PAPPA2: variants seen among roughly 807,000 people sequenced by gnomAD.
The protein encoded by PAPPA2 is pappalysin-2.
In PAPPA2, 86 loss-of-function variants were observed where a neutral mutation model predicts 176.4. The ratio of observed to expected loss-of-function variants is 0.49; its 90% CI spans 0.41 to 0.58. The LOEUF (loss-of-function observed/expected upper bound fraction) is 0.58. Among genes scored for constraint, PAPPA2 ranks in the 20% least tolerant of loss-of-function variants. The pLI, the probability that PAPPA2 is intolerant of heterozygous loss-of-function variation, is 0.00. For missense variants in PAPPA2, 2,073 were observed against 2,256.9 expected, an observed-to-expected ratio of 0.92 and a Z score of 1.65; for synonymous variants, 809 against 852.2, an observed-to-expected ratio of 0.95 and a Z score of 0.88.
intron 1 of PAPPA2, among the ~76,000 whole-genome samples, chr1:176,510,603 A>G (rs1355408217): frequency 1.3e-5 from 2 of 152,102 alleles, no homozygotes; most frequent in Non-Finnish European, 2.9e-5. Context: ...TGAATAAATA[A>G]AAAATTTTAC....
chr1:176,739,510 A>G (rs1662569436), intron 12 of PAPPA2, 116 bp from the exon 13 acceptor site: 1 of 1,142,182 alleles, frequency 8.8e-7, no homozygotes, highest in Non-Finnish European at 1.2e-6. Flanking sequence ...TATAAAAAAA[A>G]TGGAAGCTCT....
In PAPPA2 at chr1:176,706,561, T is replaced by C. The variant is rs997436396; in HGVS notation, c.3457+111T>C. On this transcript the variant is annotated intron_variant, in intron 10 of 22. Coordinates refer to ENST00000367662, the MANE Select transcript of PAPPA2 (RefSeq NM_020318.3). ...GCTTAGTGATTATAATAATAACCTC[T>C]GATGTGTCCCTTGTATGCCAGGCAT... 342 of 869,854 alleles carry C rather than the reference T, an allele frequency of 3.9e-4. 1 individual carries two copies. The highest frequency in any genetic ancestry group is 3.9e-4 in the Non-Finnish European group (215 of 550,894). The allele number at this position is 869,854 out of a possible 1,614,324, so 53.9% of individuals were successfully genotyped here.
chr1:176,842,536 G>A lies in PAPPA2; in HGVS notation c.*82G>A. 1 of 1,231,922 alleles carries A rather than the reference G, an allele frequency of 8.1e-7. No homozygotes were observed. The allele number at this position is 1,231,922 out of a possible 1,614,324, so 76.3% of individuals were successfully genotyped here. A position where few individuals can be genotyped will look rare whatever the true frequency, so the allele number is the denominator to read the frequency against. On this transcript the variant is annotated 3_prime_UTR_variant, in exon 23 of 23. Coordinates refer to ENST00000367662, the MANE Select transcript of PAPPA2 (RefSeq NM_020318.3). ...ACCCAGGAGGAAACAAAGGGTGAAT[G>A]AAGAAGAACAATCATGAAATGGAAG...
At chr1:176,764,246 A>G (rs1003459184) in intron 14 of PAPPA2, among the ~76,000 whole-genome samples, 2 of 152,178 alleles carry the variant, frequency 1.3e-5, no homozygotes, top group Non-Finnish European at 2.9e-5. Flanking sequence ...GGGACAAACC[A>G]TATCCAAACC....
intron 3 of PAPPA2, among the ~76,000 whole-genome samples, chr1:176,627,671 G>A (rs1656106945): frequency 1.3e-5 from 2 of 152,212 alleles, no homozygotes; most frequent in South Asian, 2.1e-4. Context: ...CTTTGAGGGT[G>A]TAGCATGTCA....
intron 21 of PAPPA2, among the ~76,000 whole-genome samples, chr1:176,804,513 T>C (rs922288985): frequency 6.6e-6 from 1 of 152,200 alleles, no homozygotes; most frequent in African/African-American, 2.4e-5. Context: ...GAGACACTGC[T>C]GTAGACTAAC....
chr1:176,764,649 T>A (rs1397639415), intron 14 of PAPPA2, among the ~76,000 whole-genome samples: 1 of 149,670 alleles, frequency 6.7e-6, no homozygotes, highest in African/African-American at 2.5e-5. Flanking sequence ...CAGGCTGGAG[T>A]GCAGTGGCGA....
At chr1:176,562,928 A>G (rs1366236184) in intron 2 of PAPPA2, among the ~76,000 whole-genome samples, 1 of 152,110 alleles carries the variant, frequency 6.6e-6, no homozygotes, top group African/African-American at 2.4e-5. Flanking sequence ...CCTCATCCCT[A>G]TGGGAAAGTA....
chr1:176,552,374 G>A (rs1370069875), intron 1 of PAPPA2, among the ~76,000 whole-genome samples: 7 of 81,616 alleles, frequency 8.6e-5, no homozygotes, highest in South Asian at 8.5e-4. Context: ...CTTTCCCCAC[G>A]CCTCCTTCTT....
rs1429640090 is a variant in PAPPA2, at chr1:176,557,007, C to T, written c.685C>T (p.His229Tyr). 1.9e-6 allele frequency: 3 copies of T among 1,613,944 alleles called. No individual in the cohort carries two copies. The highest frequency in any genetic ancestry group is 1.3e-5 in the African/African-American group (1 of 74,872). ...ACCTTGGCCCAAGCATTCCCTTAAA[C>T]ACAGGGTCAAAAAGAGTCCACCGGA... is the stretch of plus-strand genomic sequence containing the variant. Reference protein sequence around the residue: ...FQPWPKHSLKHRVKKSPPEES... With the variant: ...FQPWPKHSLKYRVKKSPPEES... The change falls in exon 2 of 23, where the codon CAC becomes TAC. Residue 229 changes from histidine (H) to tyrosine (Y), a missense_variant. Around this residue, in one of 4 missense-constraint regions of PAPPA2, gnomAD observed 1,196 missense variants for 1,330.4 expected, o/e 0.90. Transcript: ENST00000367662.
At chr1:176,659,665 G>A (rs942747949) in intron 3 of PAPPA2, among the ~76,000 whole-genome samples, 11 of 152,178 alleles carry the variant, frequency 7.2e-5, no homozygotes, top group Middle Eastern at 6.8e-3. Context: ...TAAATCATTT[G>A]TATTAAGATA....
chr1:176,616,087 A>G (rs533571720), intron 3 of PAPPA2, among the ~76,000 whole-genome samples: 1 of 152,324 alleles, frequency 6.6e-6, no homozygotes, highest in East Asian at 1.9e-4. Context: ...AAATAGGTTG[A>G]CTGTAACCCA....
intron 3 of PAPPA2, among the ~76,000 whole-genome samples, chr1:176,654,789 C>G (rs1338267106): frequency 1.3e-5 from 2 of 151,732 alleles, no homozygotes; most frequent in Non-Finnish European, 2.9e-5. Flanking sequence ...AGACCTTTCA[C>G]TTATGTGGCT....
intron 3 of PAPPA2, among the ~76,000 whole-genome samples, chr1:176,604,064 G>C (rs887935432): frequency 6.6e-6 from 1 of 152,116 alleles, no homozygotes; most frequent in South Asian, 2.1e-4. Context: ...TACTCCTACT[G>C]CATGATCTTT....
intron 1 of PAPPA2, among the ~76,000 whole-genome samples, chr1:176,525,970 C>T (rs1205167261): frequency 2.0e-5 from 3 of 152,156 alleles, no homozygotes; most frequent in South Asian, 4.1e-4. Flanking sequence ...CTGTATTTTA[C>T]GATGAAGCTC....
intron 3 of PAPPA2, among the ~76,000 whole-genome samples, chr1:176,599,769 G>A (rs556386726): frequency 2.2e-3 from 330 of 151,536 alleles, no homozygotes; most frequent in Middle Eastern, 6.8e-3. Flanking sequence ...ATTTATGCTG[G>A]TGACTTTCCT....
intron 3 of PAPPA2, among the ~76,000 whole-genome samples, chr1:176,655,776 T>C (rs1204132013): frequency 6.6e-6 from 1 of 151,748 alleles, no homozygotes; most frequent in Non-Finnish European, 1.5e-5. Context: ...AGCTCTGACA[T>C]CACCAGCACA....
intron 21 of PAPPA2, among the ~76,000 whole-genome samples, chr1:176,808,250 G>C (rs147397564): frequency 1.7e-4 from 26 of 152,282 alleles, no homozygotes; most frequent in African/African-American, 6.3e-4. Flanking sequence ...GTCAAGTCAG[G>C]TGTGAAATAC....
At chr1:176,842,335 C>A in intron 22 of PAPPA2, 45 bp from the exon 23 acceptor site, 1 of 1,527,334 alleles carries the variant, frequency 6.5e-7, no homozygotes, top group Non-Finnish European at 9.1e-7. Context: ...AAGTGTGAAG[C>A]TATCACAGAA....
Sources: allele counts gnomAD v4.1 joint callset (sites outside exome capture counted in the v4.1 genomes callset), GRCh38; gene constraint gnomAD v4.1.1; regional missense constraint gnomAD v4.1.1; transcripts MANE v1.5; gene names NCBI Gene and HGNC (gene_info 2026-07-23, HGNC 2026-07-21).